IMMP2L: variants seen among roughly 807,000 people sequenced by gnomAD.
The protein encoded by IMMP2L is inner mitochondrial membrane peptidase subunit 2.
In IMMP2L, 18 loss-of-function variants were observed where a neutral mutation model predicts 19.3. The observed-to-expected ratio is 0.93, with a 90% CI of 0.64 to 1.38. IMMP2L has a LOEUF of 1.38. Ranked by LOEUF, IMMP2L falls within the 40% of genes most tolerant of loss-of-function variation. The pLI is 0.00. For missense variants in IMMP2L, 233 were observed against 218.2 expected, an observed-to-expected ratio of 1.07 and a Z score of -0.43; for synonymous variants, 76 against 73.0, an observed-to-expected ratio of 1.04 and a Z score of -0.21.
chr7:110,692,528 C>G (rs897508252), intron 5 of IMMP2L, among the ~76,000 whole-genome samples: 5 of 152,050 alleles, frequency 3.3e-5, no homozygotes, highest in Admixed American at 6.6e-5. Context: ...TAAAAATGGG[C>G]TCTGCTAAAT....
At chr7:111,119,359 G>A (rs1800299371) in intron 3 of IMMP2L, among the ~76,000 whole-genome samples, 1 of 152,138 alleles carries the variant, frequency 6.6e-6, no homozygotes, top group African/African-American at 2.4e-5. Flanking sequence ...TTCCCCTCCA[G>A]ACTGAAATTT....
intron 3 of IMMP2L, among the ~76,000 whole-genome samples, chr7:110,993,862 A>G (rs1563142184): frequency 6.6e-6 from 1 of 152,060 alleles, no homozygotes; most frequent in East Asian, 1.9e-4. Context: ...TCCTAGGGAA[A>G]CATGCTAGAC....
At chr7:110,923,987 C>T (rs1438058737) in intron 4 of IMMP2L, among the ~76,000 whole-genome samples, 1 of 152,186 alleles carries the variant, frequency 6.6e-6, no homozygotes, top group Non-Finnish European at 1.5e-5. Flanking sequence ...AGCCTTCCTC[C>T]TTCCTTGGCC....
At chr7:110,826,539 G>T (rs1282414135) in intron 5 of IMMP2L, among the ~76,000 whole-genome samples, 2 of 152,154 alleles carry the variant, frequency 1.3e-5, no homozygotes, top group Non-Finnish European at 2.9e-5. Flanking sequence ...CCTTTGTAGG[G>T]AGATGGATGA....
intron 3 of IMMP2L, among the ~76,000 whole-genome samples, chr7:111,356,571 A>C (rs1828721202): frequency 6.6e-6 from 1 of 152,156 alleles, no homozygotes; most frequent in South Asian, 2.1e-4. Flanking sequence ...TCAACGTTAA[A>C]TCCCAATTGT....
At chr7:111,221,534 T>G (rs899836292) in intron 3 of IMMP2L, among the ~76,000 whole-genome samples, 46 of 151,938 alleles carry the variant, frequency 3.0e-4, no homozygotes, top group African/African-American at 1.1e-3. Context: ...AGAGATAACG[T>G]GAGCCTATAC....
At position 111,372,304 on chromosome 7, in the gene IMMP2L, C is replaced by T. The variant is rs537170465; in HGVS notation, c.239+114934G>A. ...TAAAATAAAAAATTTGAAAAAAATA[C>T]AAAACACAACAAAGAAAACTTTGGA... On this transcript the variant is annotated intron_variant, in intron 3 of 5. Coordinates refer to ENST00000405709, the MANE Select transcript of IMMP2L (RefSeq NM_032549.4). Among the ~76,000 whole-genome samples, 8 of 151,936 alleles carry T rather than the reference C, an allele frequency of 5.3e-5. No individual in the cohort carries two copies. In the South Asian group the frequency reaches 8.3e-4, roughly 16 times the overall value.
intron 3 of IMMP2L, among the ~76,000 whole-genome samples, chr7:111,028,878 A>G (rs1265629394): frequency 3.3e-5 from 5 of 152,194 alleles, no homozygotes; most frequent in Admixed American, 3.3e-4. Flanking sequence ...GACTGTGAAA[A>G]CTAAGCTGCA....
At chr7:111,249,728 C>T (rs939289184) in intron 3 of IMMP2L, among the ~76,000 whole-genome samples, 1 of 152,134 alleles carries the variant, frequency 6.6e-6, no homozygotes, top group Non-Finnish European at 1.5e-5. Flanking sequence ...ATGTTAAAAA[C>T]TCTCAATAAA....
chr7:111,492,722 A>C (rs958296183), intron 2 of IMMP2L, among the ~76,000 whole-genome samples: 1 of 152,198 alleles, frequency 6.6e-6, no homozygotes, highest in Admixed American at 6.5e-5. Context: ...GATTTATGCA[A>C]GGGAAGAAAA....
At chr7:111,241,991 T>C (rs1014210802) in intron 3 of IMMP2L, among the ~76,000 whole-genome samples, 9 of 152,036 alleles carry the variant, frequency 5.9e-5, no homozygotes, top group African/African-American at 1.9e-4. Context: ...GACCCAACCA[T>C]GGAAAATGCC....
At chr7:110,808,560 A>G (rs911506123) in intron 5 of IMMP2L, among the ~76,000 whole-genome samples, 1 of 152,090 alleles carries the variant, frequency 6.6e-6, no homozygotes, top group Non-Finnish European at 1.5e-5. Context: ...CACAGGGGGC[A>G]TTTGGCTTCT....
chr7:111,508,520 C>T (rs1475652977), intron 2 of IMMP2L, among the ~76,000 whole-genome samples: 2 of 151,824 alleles, frequency 1.3e-5, no homozygotes, highest in South Asian at 2.1e-4. Context: ...ATTTAACAGG[C>T]GAAAAAGGAA....
At chr7:111,514,859 T>G (rs1845747956) in intron 2 of IMMP2L, among the ~76,000 whole-genome samples, 1 of 152,142 alleles carries the variant, frequency 6.6e-6, no homozygotes, top group Non-Finnish European at 1.5e-5. Context: ...AAGGGTTTTT[T>G]TTAACATAAC....
At chr7:110,999,578 C>G (rs866897238) in intron 3 of IMMP2L, among the ~76,000 whole-genome samples, 1 of 148,844 alleles carries the variant, frequency 6.7e-6, no homozygotes, top group African/African-American at 2.5e-5. Flanking sequence ...ACAATATGTT[C>G]TCAAACACTT....
At chr7:111,034,714 A>T (rs547901041) in intron 3 of IMMP2L, among the ~76,000 whole-genome samples, 1 of 152,258 alleles carries the variant, frequency 6.6e-6, no homozygotes. Context: ...AGTTAGAATA[A>T]ATTTATGCTG....
chr7:111,024,689 T>C (rs1190961099), intron 3 of IMMP2L, among the ~76,000 whole-genome samples: 3 of 152,206 alleles, frequency 2.0e-5, no homozygotes, highest in Admixed American at 6.5e-5. Flanking sequence ...CTGGCTTTTA[T>C]CCTTTCAATA....
intron 3 of IMMP2L, among the ~76,000 whole-genome samples, chr7:111,319,438 C>A (rs898374243): frequency 6.6e-6 from 1 of 151,960 alleles, no homozygotes; most frequent in African/African-American, 2.4e-5. Context: ...CATAGTTTAG[C>A]AGATCTAAGT....
At chr7:111,523,723 C>G (rs1261591581) in intron 1 of IMMP2L, among the ~76,000 whole-genome samples, 1 of 152,098 alleles carries the variant, frequency 6.6e-6, no homozygotes, top group East Asian at 1.9e-4. Flanking sequence ...TCAAACTCAT[C>G]TAACAACTAT....
Sources: gnomAD v4.1 joint callset for allele counts (sites outside exome capture counted in the v4.1 genomes callset) on GRCh38, gnomAD v4.1.1 for gene constraint, MANE v1.5 for transcripts, NCBI Gene and HGNC (gene_info 2026-07-23, HGNC 2026-07-21) for gene names.